RELN: variants seen among roughly 807,000 people sequenced by gnomAD.
RELN encodes reelin.
In RELN, 108 loss-of-function variants were observed where a neutral mutation model predicts 427.6. The observed-to-expected ratio is 0.25, with a 90% confidence interval of 0.22 to 0.30. RELN has a LOEUF of 0.30. Ranked by LOEUF, RELN falls within the 10% of genes least tolerant of loss-of-function variation. The pLI is 1.00. For missense variants in RELN, 3,715 were observed against 4,302.8 expected, an observed-to-expected ratio of 0.86 and a Z score of 3.82; for synonymous variants, 1,524 against 1,513.4, an observed-to-expected ratio of 1.01 and a Z score of -0.16.
chr7:103,499,149 A>C (rs1331022623), intron 53 of RELN, among the ~76,000 whole-genome samples: 1 of 152,198 alleles, frequency 6.6e-6, no homozygotes, highest in Admixed American at 6.5e-5. Flanking sequence ...TAAACCTTTG[A>C]AGGCAGTTTG....
chr7:103,908,560 C>A (rs1408710192), intron 2 of RELN, among the ~76,000 whole-genome samples: 1 of 152,128 alleles, frequency 6.6e-6, no homozygotes, highest in Non-Finnish European at 1.5e-5. Context: ...TCTACTAACT[C>A]CTCCACCTTG....
At chr7:103,780,615 T>C (rs530591642) in intron 3 of RELN, among the ~76,000 whole-genome samples, 3 of 152,334 alleles carry the variant, frequency 2.0e-5, no homozygotes, top group Non-Finnish European at 4.4e-5. Context: ...TGTGTTCTTA[T>C]CATTTAGCTC....
chr7:103,673,273 A>C (rs1267410835), intron 11 of RELN, among the ~76,000 whole-genome samples: 1 of 152,042 alleles, frequency 6.6e-6, no homozygotes, highest in East Asian at 1.9e-4. Context: ...TATAACCTCT[A>C]TCTGGCTTAT....
At chr7:103,881,836 T>G (rs928158837) in intron 2 of RELN, among the ~76,000 whole-genome samples, 2 of 152,138 alleles carry the variant, frequency 1.3e-5, no homozygotes, top group Non-Finnish European at 1.5e-5. Context: ...AGCAACAAGG[T>G]TTTGGGTGGT....
chr7:103,804,584 G>GGCA (rs1792550758), intron 3 of RELN, among the ~76,000 whole-genome samples: 1 of 152,098 alleles, frequency 6.6e-6, no homozygotes, highest in Non-Finnish European at 1.5e-5. Context: ...TAAATAATGC[G>GGCA]TAGTAACACC....
chr7:103,545,971 C>A (rs1293779918), intron 41 of RELN, among the ~76,000 whole-genome samples: 1 of 151,662 alleles, frequency 6.6e-6, no homozygotes, highest in Non-Finnish European at 1.5e-5. Flanking sequence ...TATAACTAAC[C>A]TTTTTTAAAA....
intron 2 of RELN, among the ~76,000 whole-genome samples, chr7:103,851,034 G>T (rs1001943955): frequency 1.3e-5 from 2 of 152,148 alleles, no homozygotes; most frequent in East Asian, 3.9e-4. Context: ...TTGCACAGGC[G>T]TATTTATTGC....
chr7:103,748,305 T>C (rs1790899543), intron 6 of RELN, among the ~76,000 whole-genome samples: 1 of 152,110 alleles, frequency 6.6e-6, no homozygotes, highest in African/African-American at 2.4e-5. Context: ...TATTTTTTTC[T>C]ATATTTATAC....
At chr7:103,979,386 A>G (rs910173542) in intron 1 of RELN, among the ~76,000 whole-genome samples, 3 of 152,230 alleles carry the variant, frequency 2.0e-5, no homozygotes, top group African/African-American at 7.2e-5. Flanking sequence ...CCTGGTTGCC[A>G]TAAAGTCTAG....
At chr7:103,621,422 T>C (rs1216533139) in intron 20 of RELN, among the ~76,000 whole-genome samples, 1 of 152,206 alleles carries the variant, frequency 6.6e-6, no homozygotes, top group Non-Finnish European at 1.5e-5. Flanking sequence ...TTTTAGATAA[T>C]ACACATTTTT....
At chr7:103,585,068 C>T (rs1831238781) in intron 28 of RELN, among the ~76,000 whole-genome samples, 1 of 151,666 alleles carries the variant, frequency 6.6e-6, no homozygotes, top group Non-Finnish European at 1.5e-5. Context: ...AAAAGCAGTG[C>T]TAAAAGTTTA....
intron 19 of RELN, among the ~76,000 whole-genome samples, chr7:103,633,240 T>G (rs916307488): frequency 5.9e-5 from 9 of 152,036 alleles, no homozygotes; most frequent in African/African-American, 2.2e-4. Flanking sequence ...AGAAGCAATA[T>G]GGAATTCACG....
intron 17 of RELN, among the ~76,000 whole-genome samples, 193 bp from the exon 18 acceptor site, chr7:103,636,661 A>G (rs981653867): frequency 6.6e-6 from 1 of 152,184 alleles, no homozygotes; most frequent in Non-Finnish European, 1.5e-5. Context: ...AGACAAATAC[A>G]GTATTTGCAC....
chr7:103,854,976 T>C (rs1019752628), intron 2 of RELN, among the ~76,000 whole-genome samples: 1 of 152,190 alleles, frequency 6.6e-6, no homozygotes, highest in African/African-American at 2.4e-5. Flanking sequence ...AGATGGCAAA[T>C]GCAACTGCTT....
chr7:103,892,373 C>A (rs1483792265), intron 2 of RELN, among the ~76,000 whole-genome samples: 1 of 152,132 alleles, frequency 6.6e-6, no homozygotes, highest in African/African-American at 2.4e-5. Flanking sequence ...ACACATGTGA[C>A]AGCACCCACT....
chr7:103,726,853 C>A (rs924027519), intron 7 of RELN, among the ~76,000 whole-genome samples: 1 of 152,084 alleles, frequency 6.6e-6, no homozygotes, highest in African/African-American at 2.4e-5. Context: ...AAAATCTTCA[C>A]CACCAGAGTC....
intron 57 of RELN, among the ~76,000 whole-genome samples, chr7:103,494,365 T>TG (rs1828762311): frequency 1.7e-5 from 2 of 118,254 alleles, no homozygotes; most frequent in African/African-American, 3.4e-5. Flanking sequence ...GTAATGACTT[T>TG]TGTGTGTGTG....
intron 1 of RELN, among the ~76,000 whole-genome samples, chr7:103,944,929 G>A (rs1796189152): frequency 6.6e-6 from 1 of 152,080 alleles, no homozygotes; most frequent in Non-Finnish European, 1.5e-5. Context: ...TTTGAAGGAA[G>A]AGTCTGTCAT....
At chr7:103,903,561 AT>A (rs1238695960) in intron 2 of RELN, among the ~76,000 whole-genome samples, 1 of 152,120 alleles carries the variant, frequency 6.6e-6, no homozygotes, top group African/African-American at 2.4e-5. Context: ...AACAGGCAAA[AT>A]TATAACATTA....
Sources: gnomAD v4.1 joint callset for allele counts (sites outside exome capture counted in the v4.1 genomes callset) on GRCh38, gnomAD v4.1.1 for gene constraint, MANE v1.5 for transcripts, NCBI Gene and HGNC (gene_info 2026-07-23, HGNC 2026-07-21) for gene names.